The following MRPS6 variants were observed in gnomAD, a reference collection of about 807,000 sequenced individuals.
The protein encoded by MRPS6 is small ribosomal subunit protein bS6m.
In MRPS6, 6 loss-of-function variants were observed where a neutral mutation model predicts 13.1. That is an observed-to-expected ratio of 0.46 (90% CI 0.25 to 0.91). The LOEUF is 0.91. Among genes scored for constraint, MRPS6 ranks in the 40% least tolerant of loss-of-function variants. MRPS6 has a pLI of 0.18. For missense variants in MRPS6, 164 were observed against 155.6 expected, an observed-to-expected ratio of 1.05 and a Z score of -0.29; for synonymous variants, 61 against 56.5, an observed-to-expected ratio of 1.08 and a Z score of -0.36.
chr21:34,096,972 G>A lies in MRPS6; in HGVS notation c.45+23227G>A. The A allele has an allele frequency of 1.2e-6, 2 of 1,614,130 alleles. No homozygotes were observed. The highest frequency in any genetic ancestry group is 1.7e-6 in the Non-Finnish European group (2 of 1,179,996). ...CCACATCATTCCCAACGGGAAATCT[G>A]AAGACAGCATTAAGGGCCTTCAGCC... is the stretch of plus-strand genomic sequence containing the variant. On this transcript the variant is annotated intron_variant, in intron 1 of 2. Coordinates refer to ENST00000399312, the MANE Select transcript of MRPS6 (RefSeq NM_032476.4). This position sits in a 1 kb window ranked among gnomAD's most constrained non-coding sequence, Gnocchi z 5.9.
At chr21:34,118,130 T>C (rs1325705877) in intron 1 of MRPS6, among the ~76,000 whole-genome samples, 1 of 152,156 alleles carries the variant, frequency 6.6e-6, no homozygotes, top group Non-Finnish European at 1.5e-5. Flanking sequence ...TTTCTCTGCA[T>C]TACACTATTA....
At chr21:34,078,066 C>G (rs1989375605) in intron 1 of MRPS6, among the ~76,000 whole-genome samples, 1 of 152,132 alleles carries the variant, frequency 6.6e-6, no homozygotes, top group African/African-American at 2.4e-5. Context: ...CATTTGATAA[C>G]TAGGAAATAG....
intron 1 of MRPS6, among the ~76,000 whole-genome samples, chr21:34,113,377 A>G (rs145552222): frequency 0.014 from 2,084 of 152,290 alleles, 11 homozygotes; most frequent in Non-Finnish European, 0.023. Context: ...ACACAATAGA[A>G]TACTCTTCAG....
chr21:34,074,184 C>G (rs938142429), intron 1 of MRPS6, among the ~76,000 whole-genome samples: 1 of 150,108 alleles, frequency 6.7e-6, no homozygotes, highest in African/African-American at 2.4e-5. Context: ...CTGGTCCGTC[C>G]CGCTCCGCCG....
At chr21:34,125,251 T>C (rs1602958852) in intron 1 of MRPS6, 90 bp from the exon 2 acceptor site, 18 of 1,513,888 alleles carry the variant, frequency 1.2e-5, no homozygotes, top group Non-Finnish European at 1.3e-5. Context: ...AGAGCTGTTA[T>C]GATTGGAACT....
At chr21:34,116,931 C>T (rs1225055497) in intron 1 of MRPS6, among the ~76,000 whole-genome samples, 2 of 152,178 alleles carry the variant, frequency 1.3e-5, no homozygotes, top group Admixed American at 6.5e-5. Context: ...GGTTATAGAA[C>T]AGCTGCCTTC....
intron 1 of MRPS6, chr21:34,101,228 T>G: frequency 8.0e-6 from 8 of 1,000,154 alleles, no homozygotes; most frequent in Non-Finnish European, 9.6e-6. Flanking sequence ...ATATGTAGAA[T>G]CATTTTCATT....
intron 2 of MRPS6, chr21:34,135,352 T>TG (rs1449612394): frequency 6.2e-6 from 1 of 161,090 alleles, no homozygotes; most frequent in Non-Finnish European, 1.3e-5. Flanking sequence ...GCCGGTTTTT[T>TG]TTTTTTTTTT....
At chr21:34,125,516 G>A (rs1980272895) in intron 2 of MRPS6, 36 bp downstream of exon 2, 5 of 1,610,634 alleles carry the variant, frequency 3.1e-6, no homozygotes, top group Non-Finnish European at 4.2e-6. Context: ...AGACGTTTTT[G>A]ATAGGCTCAG....
chr21:34,128,546 C>G (rs1980389061), intron 2 of MRPS6, among the ~76,000 whole-genome samples: 2 of 151,992 alleles, frequency 1.3e-5, no homozygotes. Flanking sequence ...CAGTTTATGC[C>G]AAAAATAAAA....
intron 1 of MRPS6, among the ~76,000 whole-genome samples, chr21:34,115,710 G>T (rs1979872836): frequency 6.6e-6 from 1 of 152,042 alleles, no homozygotes; most frequent in South Asian, 2.1e-4. Context: ...GCAAGATAGC[G>T]GTTGGGATAG....
intron 1 of MRPS6, chr21:34,099,146 T>C (rs1384973802): frequency 2.0e-6 from 2 of 999,342 alleles, no homozygotes; most frequent in African/African-American, 1.7e-5. Flanking sequence ...AAATAATTTA[T>C]GTATGAATAG....
intron 1 of MRPS6, chr21:34,102,189 C>T (rs1979268864): frequency 8.0e-6 from 8 of 999,794 alleles, no homozygotes; most frequent in African/African-American, 1.7e-5. Flanking sequence ...TACTTTGACT[C>T]CTAGGAGAGA....
At chr21:34,124,957 A>T (rs1980248070) in intron 1 of MRPS6, 1 of 157,550 alleles carries the variant, frequency 6.3e-6, no homozygotes, top group Non-Finnish European at 1.4e-5. Context: ...TGCCAACGAG[A>T]TACTCTTCTC....
intron 1 of MRPS6, among the ~76,000 whole-genome samples, chr21:34,084,404 A>C (rs1989526310): frequency 6.6e-6 from 1 of 152,144 alleles, no homozygotes. Context: ...CAGAAAAAAA[A>C]CACAAAGTTG....
chr21:34,105,704 A>G, intron 1 of MRPS6: 6 of 998,684 alleles, frequency 6.0e-6, no homozygotes, highest in Middle Eastern at 5.2e-4. Flanking sequence ...AGTTTTTTGA[A>G]TTGTAAATGG....
chr21:34,094,380 G>C (rs1453562344), intron 1 of MRPS6, among the ~76,000 whole-genome samples: 1 of 152,080 alleles, frequency 6.6e-6, no homozygotes, highest in Non-Finnish European at 1.5e-5. Context: ...ATAACATCTA[G>C]TAAACACCAC....
rs575534010 is a variant in MRPS6, at chr21:34,083,104, C to G, written c.45+9359C>G. Among the ~76,000 whole-genome samples, 3 of 152,318 alleles carry G rather than the reference C, an allele frequency of 2.0e-5. No homozygotes were observed. In the South Asian group the frequency reaches 6.2e-4, roughly 32 times the overall value. Reference sequence around the variant, plus strand: ...TTGACTTGAGTTTTTAAAAGTTTCTCTGTAACACCTACCCTGGAGTGGTTA... The same window carrying G: ...TTGACTTGAGTTTTTAAAAGTTTCTGTGTAACACCTACCCTGGAGTGGTTA... On this transcript the variant is annotated intron_variant, in intron 1 of 2. Coordinates refer to ENST00000399312, the MANE Select transcript of MRPS6 (RefSeq NM_032476.4).
At chr21:34,140,810 T>C (rs1980881751) in intron 2 of MRPS6, among the ~76,000 whole-genome samples, 3 of 152,240 alleles carry the variant, frequency 2.0e-5, no homozygotes, top group South Asian at 2.1e-4. Flanking sequence ...TTTTTATTCC[T>C]GGTAATTTTC....
Sources: gnomAD v4.1 joint callset for allele counts (sites outside exome capture counted in the v4.1 genomes callset) on GRCh38, gnomAD v4.1.1 for gene constraint, Gnocchi (gnomAD v3.1) non-coding constraint, MANE v1.5 for transcripts, NCBI Gene and HGNC (gene_info 2026-07-23, HGNC 2026-07-21) for gene names.